TCF3: variants seen among roughly 807,000 people sequenced by gnomAD.
TCF3 encodes the protein transcription factor 3, also known as transcription factor E2-alpha.
Under a neutral mutation model 72.3 loss-of-function variants are expected in TCF3, and 54 were observed. That is an observed-to-expected ratio of 0.75 (90% CI 0.60 to 0.94). The LOEUF (loss-of-function observed/expected upper bound fraction) is 0.94, where lower values mean the gene tolerates loss of function less well. Ranked by LOEUF, TCF3 falls within the 40% of genes least tolerant of loss-of-function variation. TCF3 has a pLI of 0.00. For synonymous variants in TCF3, 525 were observed against 412.6 expected, an observed-to-expected ratio of 1.27 and a Z score of -3.30; for missense variants, 1,078 against 934.4, an observed-to-expected ratio of 1.15 and a Z score of -2.00.
At chr19:1,631,902 G>A in intron 5 of TCF3, 136 bp downstream of exon 5, 1 of 1,531,290 alleles carries the variant, frequency 6.5e-7, no homozygotes, top group Non-Finnish European at 8.8e-7. Context: ...CCCAGGACGG[G>A]CAGAGGCTTC....
intron 3 of TCF3, among the ~76,000 whole-genome samples, chr19:1,637,348 G>A (rs1293879753): frequency 6.6e-6 from 1 of 152,112 alleles, no homozygotes; most frequent in Non-Finnish European, 1.5e-5. Flanking sequence ...CCAGAACCAG[G>A]GACAACCTTC....
chr19:1,619,751 G>GGGTGGGGTGA, intron 14 of TCF3, 29 bp downstream of exon 14: 1 of 1,446,742 alleles, frequency 6.9e-7, no homozygotes, highest in Non-Finnish European at 9.1e-7. Flanking sequence ...TGTCGGGGAA[G>GGGTGGGGTGA]GGTGGGGTGG....
rs371587171 is a variant in TCF3 at position 1,619,113 on chromosome 19, C to G, written c.1448G>C (p.Ser483Thr). Residue 483 changes from serine (S) to threonine (T), a missense_variant and splice_region_variant, in exon 16 of 19, where the codon AGT becomes ACT. Coordinates refer to ENST00000262965, the MANE Select transcript of TCF3 (RefSeq NM_003200.5). ...CAGTCCCAAGCTCAAGGGCTTACCA[C>G]TGTAGGAGTCGGGAGGCCGAGACAG... ...PDLSRPPDSY[S>T]GLGRAGATAA... 2.5e-6 allele frequency: 4 copies of G among 1,599,422 alleles called. No individual in the cohort carries two copies. The South Asian group carries it at 4.4e-5, about 18-fold the overall frequency.
intron 2 of TCF3, among the ~76,000 whole-genome samples, chr19:1,648,970 G>A (rs544210694): frequency 2.0e-5 from 3 of 152,254 alleles, no homozygotes; most frequent in East Asian, 1.9e-4. Flanking sequence ...ACCCGTCAGC[G>A]GCCGGTACCC....
Position 1,621,907 on chromosome 19 carries a change from C to T in TCF3, c.886G>A (p.Ala296Thr). 6.2e-7 allele frequency: 1 copy of T among 1,601,322 alleles called. No homozygotes were observed. The highest frequency in any genetic ancestry group is 8.5e-7 in the Non-Finnish European group (1 of 1,175,346). The stretch of plus-strand genomic sequence containing the variant: ...ACGCCGCCGTACGTGGCTCCGGGGG[C>T]TGAGGAGAAGGAGGATGCAGATGGG... ...GLPSASSFSS[A>T]PGATYGGVSS... Residue 296 changes from alanine to threonine, a missense_variant, in exon 11 of 19, where the codon GCC becomes ACC. Coordinates refer to ENST00000262965, the MANE Select transcript of TCF3 (RefSeq NM_003200.5).
At chr19:1,635,026 A>G (rs912811132) in intron 3 of TCF3, among the ~76,000 whole-genome samples, 1 of 152,148 alleles carries the variant, frequency 6.6e-6, no homozygotes, top group Non-Finnish European at 1.5e-5. Flanking sequence ...AAGAAACCCA[A>G]TCGACAGACT....
At chr19:1,639,880 A>G (rs1329690251) in intron 3 of TCF3, among the ~76,000 whole-genome samples, 1 of 152,058 alleles carries the variant, frequency 6.6e-6, no homozygotes. Flanking sequence ...AGAAGAGGGC[A>G]GAAGTCAGCA....
chr19:1,619,105 G>T lies in TCF3; in HGVS notation c.1450+6C>A, dbSNP rs1471157814. 44 of 1,599,172 alleles carry T rather than the reference G, an allele frequency of 2.8e-5. No homozygotes were observed. The highest frequency in any genetic ancestry group is 3.6e-5 in the Non-Finnish European group (42 of 1,179,700). On this transcript the variant is annotated splice_donor_region_variant and intron_variant, in intron 16 of 18. Transcript: ENST00000262965. Reference sequence around the variant, plus strand: ...GAGTCGGACAGTCCCAAGCTCAAGGGCTTACCACTGTAGGAGTCGGGAGGC... The same window carrying T: ...GAGTCGGACAGTCCCAAGCTCAAGGTCTTACCACTGTAGGAGTCGGGAGGC...
At chr19:1,647,657 A>C (rs2066331141) in intron 2 of TCF3, among the ~76,000 whole-genome samples, 1 of 152,166 alleles carries the variant, frequency 6.6e-6, no homozygotes, top group Non-Finnish European at 1.5e-5. Context: ...CAGACCTCCA[A>C]GGGCCAACCT....
intron 2 of TCF3, among the ~76,000 whole-genome samples, chr19:1,648,545 T>G (rs2145716690): frequency 6.6e-6 from 1 of 152,232 alleles, no homozygotes; most frequent in African/African-American, 2.4e-5. Context: ...CTTGTCAGTT[T>G]AACAAAAAAC....
At position 1,612,307 on chromosome 19, in the gene TCF3, G is replaced by A. The variant is rs1049632359; in HGVS notation, c.1823-458C>T. ...CCGACTTGAGGTGCATCTGGCACAT[G>A]CGCCCCAGCTCCCGGAAGGCCTCGT... On this transcript the variant is annotated intron_variant, in intron 18 of 18. Transcript: ENST00000262965. 3.1e-6 allele frequency: 5 copies of A among 1,613,786 alleles called. No homozygotes were observed. The African/African-American group carries it at 5.3e-5, about 17-fold the overall frequency.
At chr19:1,642,265 C>T (rs1052236828) in intron 3 of TCF3, among the ~76,000 whole-genome samples, 1 of 151,692 alleles carries the variant, frequency 6.6e-6, no homozygotes, top group African/African-American at 2.4e-5. Flanking sequence ...TGCGCACACA[C>T]GCACGCACAC....
In TCF3 at chr19:1,611,519, G is replaced by T; in HGVS notation, c.*188C>A. 1 of 696,802 alleles carries T rather than the reference G, an allele frequency of 1.4e-6. No individual in the cohort carries two copies. Among genetic ancestry groups the T allele is most frequent in the East Asian group, 3.0e-5 (1 of 33,646 alleles). 43.2% of individuals were successfully genotyped at this position (696,802 alleles called of 1,614,324 possible). A position where few individuals can be genotyped will look rare whatever the true frequency, so the allele number is the denominator to read the frequency against. On this transcript the variant is annotated 3_prime_UTR_variant, in exon 19 of 19. Transcript: ENST00000262965. ...GTGAGTGGTAGGCCAGGGCCCCAGG[G>T]AGCTCCTGGACCCAGTGTCACCTTG...
intron 1 of TCF3, chr19:1,651,118 T>G (rs1031778548): frequency 4.3e-6 from 1 of 232,054 alleles, no homozygotes; most frequent in Non-Finnish European, 8.5e-6. Flanking sequence ...GGGGCTCCAT[T>G]CTAAGATGGG....
intron 5 of TCF3, among the ~76,000 whole-genome samples, chr19:1,630,981 A>G (rs1210122925): frequency 6.6e-6 from 1 of 152,212 alleles, no homozygotes; most frequent in African/African-American, 2.4e-5. Flanking sequence ...CGTCCCAGTC[A>G]GCCCCACCCA....
At chr19:1,621,463 C>T (rs1428186486) in intron 11 of TCF3, among the ~76,000 whole-genome samples, 1 of 151,438 alleles carries the variant, frequency 6.6e-6, no homozygotes, top group African/African-American at 2.4e-5. Context: ...GTGAGTCCCT[C>T]TCTGGGCCTG....
At chr19:1,649,106 C>G (rs1356290440) in intron 2 of TCF3, among the ~76,000 whole-genome samples, 1 of 152,240 alleles carries the variant, frequency 6.6e-6, no homozygotes, top group Non-Finnish European at 1.5e-5. Context: ...ATCCAACCAC[C>G]TAAGACTCTG....
At chr19:1,637,728 T>A (rs975331493) in intron 3 of TCF3, among the ~76,000 whole-genome samples, 1 of 151,824 alleles carries the variant, frequency 6.6e-6, no homozygotes, top group African/African-American at 2.4e-5. Context: ...GCCAACAGGG[T>A]GAAACCCCCG....
At chr19:1,651,913 G>A (rs998915755) in intron 1 of TCF3, among the ~76,000 whole-genome samples, 3 of 151,184 alleles carry the variant, frequency 2.0e-5, no homozygotes, top group African/African-American at 7.3e-5. Flanking sequence ...CGGCGCCCGG[G>A]CCGGGCCCCC....
Sources: allele counts gnomAD v4.1 joint callset (sites outside exome capture counted in the v4.1 genomes callset), GRCh38; gene constraint gnomAD v4.1.1; transcripts MANE v1.5; gene names NCBI Gene and HGNC (gene_info 2026-07-23, HGNC 2026-07-21).